ZNF462: variants seen among roughly 807,000 people sequenced by gnomAD.
The protein encoded by ZNF462 is zinc finger PBX1-interacting protein.
A neutral mutation model predicts 201.9 loss-of-function variants in ZNF462; 10 were observed. That is an observed-to-expected ratio of 0.05 (90% CI 0.03 to 0.08). The LOEUF (loss-of-function observed/expected upper bound fraction) is 0.08, where lower values mean the gene tolerates loss of function less well. ZNF462 is among the 10% of genes least tolerant of loss of function. ZNF462 has a pLI of 1.00. For synonymous variants in ZNF462, 1,227 were observed against 1,193.3 expected (o/e 1.03, Z -0.58); for missense variants, 2,523 against 3,168.3 (o/e 0.80, Z 4.89).
At chr9:106,873,704 C>T (rs749288011) in intron 1 of ZNF462, among the ~76,000 whole-genome samples, 1 of 152,132 alleles carries the variant, frequency 6.6e-6, no homozygotes, top group Non-Finnish European at 1.5e-5. Context: ...TTGCCTGTCT[C>T]TGAAACATCA....
chr9:106,926,896 C>T lies in ZNF462; in HGVS notation c.2984C>T (p.Ala995Val), dbSNP rs755252933. ...PKNMATSTPV[A>V]RGGGLPATFN... ...AACATGGCGACTTCCACACCTGTGG[C>T]TCGTGGTGGTGGTTTGCCAGCTACG... The change falls in exon 3 of 13, where the codon GCT becomes GTT. Residue 995 changes from alanine (A) to valine (V), a missense_variant. Physicochemically the swap from Ala to Val is moderately conservative, Grantham distance 64. Transcript: ENST00000277225. The surrounding 1 kb of genome is among the most constrained non-coding windows in gnomAD (Gnocchi z 7.9). 9 of 1,614,018 alleles carry T rather than the reference C, an allele frequency of 5.6e-6. No homozygotes were observed. In the East Asian group the frequency reaches 1.8e-4, roughly 32 times the overall value.
intron 7 of ZNF462, among the ~76,000 whole-genome samples, chr9:106,965,620 G>A (rs925388997): frequency 6.6e-6 from 1 of 152,046 alleles, no homozygotes; most frequent in Non-Finnish European, 1.5e-5. Flanking sequence ...AAACAAAGTG[G>A]TGGGCCATTT....
intron 7 of ZNF462, among the ~76,000 whole-genome samples, chr9:106,956,609 ATGG>A (rs1831585786): frequency 6.9e-6 from 1 of 144,648 alleles, no homozygotes; most frequent in South Asian, 2.1e-4. Context: ...AAAGTCCTAG[ATGG>A]AATCTTCTTC....
At chr9:106,911,676 G>T (rs1829555211) in intron 1 of ZNF462, among the ~76,000 whole-genome samples, 1 of 152,142 alleles carries the variant, frequency 6.6e-6, no homozygotes, top group Non-Finnish European at 1.5e-5. Flanking sequence ...CTACATGGAG[G>T]AAAACCGTGA....
rs764940719 is a variant in ZNF462, at chr9:106,927,692, G to A, written c.3780G>A (p.Thr1260=). ...VSPSNLERDK[T]KLRALKCRQC... ...CCTCTAATCTGGAGCGGGACAAAAC[G>A]AAACTCCGAGCACTCAAATGTAGGC... The change falls in exon 3 of 13, where the codon ACG becomes ACA. Residue 1260 remains threonine (T), a synonymous_variant. Transcript: ENST00000277225. 13 of 1,613,904 alleles carry A rather than the reference G, an allele frequency of 8.1e-6. No individual in the cohort carries two copies. The highest frequency in any genetic ancestry group is 4.5e-5 in the East Asian group (2 of 44,870).
chr9:106,880,477 A>T lies in ZNF462; in HGVS notation c.-31+17122A>T, dbSNP rs1225087674. ...AAACCAGTGAGAAGTCCAAGGCTCCATTTCATCCCGTGTAAAACACTCATC... is the reference window on the plus strand; with the variant it reads ...AAACCAGTGAGAAGTCCAAGGCTCCTTTTCATCCCGTGTAAAACACTCATC... On this transcript the variant is annotated intron_variant, in intron 1 of 12. Transcript: ENST00000277225. The surrounding 1 kb of genome is among the most constrained non-coding windows in gnomAD (Gnocchi z 4.1). Among the ~76,000 whole-genome samples, 2 of 152,194 alleles carry T rather than the reference A, an allele frequency of 1.3e-5. No homozygotes were observed. The highest frequency in any genetic ancestry group is 2.9e-5 in the Non-Finnish European group (2 of 68,038).
rs150472853 is a variant in ZNF462 at position 106,989,806 on chromosome 9, G to C, written c.7056+5397G>C. 3.0e-3 allele frequency among the ~76,000 whole-genome samples: 450 copies of C among 152,182 alleles called. 4 individuals carry two copies. The highest frequency in any genetic ancestry group is 0.011 in the African/African-American group (439 of 41,530). ...TCCAGGAATTTATCCATCTCTGCCAGGTTTTCTAGTTTATGTGCGTAAAGG... is the reference window on the plus strand; with the variant it reads ...TCCAGGAATTTATCCATCTCTGCCACGTTTTCTAGTTTATGTGCGTAAAGG... On this transcript the variant is annotated intron_variant, in intron 10 of 12. Coordinates refer to ENST00000277225, the MANE Select transcript of ZNF462 (RefSeq NM_021224.6).
rs1829921874 is a variant in ZNF462 at position 106,919,932 on chromosome 9, A to G, written c.-30-3422A>G. ...TAGACTCTTTTTAGTTAGTTCAGAA[A>G]CTTCCTCTTTTACTTTTGATTTTGC... On this transcript the variant is annotated intron_variant, in intron 1 of 12. Transcript: ENST00000277225. This position sits in a 1 kb window ranked among gnomAD's most constrained non-coding sequence, Gnocchi z 4.5. 6.6e-6 allele frequency among the ~76,000 whole-genome samples: 1 copy of G among 152,190 alleles called. No individual in the cohort carries two copies. Among genetic ancestry groups the G allele is most frequent in the Non-Finnish European group, 1.5e-5 (1 of 68,030 alleles).
At chr9:106,916,235 A>T (rs1829768407) in intron 1 of ZNF462, among the ~76,000 whole-genome samples, 1 of 152,164 alleles carries the variant, frequency 6.6e-6, no homozygotes, top group African/African-American at 2.4e-5. Flanking sequence ...TGTTTGGCTG[A>T]ATCTTGTGAG....
At chr9:106,889,985 G>C (rs971551513) in intron 1 of ZNF462, among the ~76,000 whole-genome samples, 1 of 152,328 alleles carries the variant, frequency 6.6e-6, no homozygotes, top group Middle Eastern at 3.4e-3. Context: ...CAGTGGCATT[G>C]ATACTTACAC....
At chr9:106,864,062 CTCTCTCTCT>C (rs1564062366) in intron 1 of ZNF462, among the ~76,000 whole-genome samples, 27 of 93,930 alleles carry the variant, frequency 2.9e-4, no homozygotes, top group African/African-American at 1.1e-3. Context: ...CTCTCTCTCT[CTCTCTCTCT>C]CTCTCTCTCT....
At position 107,003,085 on chromosome 9, in the gene ZNF462, G is replaced by A. The variant is rs556954932; in HGVS notation, c.7057-209G>A. ...TGAAGGTCCGGTGTACAAAAGTTCC[G>A]GTGAAAATGATGGAATGTGGGAGCA... On this transcript the variant is annotated intron_variant, in intron 10 of 12. Transcript: ENST00000277225. This position sits in a 1 kb window ranked among gnomAD's most constrained non-coding sequence, Gnocchi z 4.4. 1.1e-3 allele frequency among the ~76,000 whole-genome samples: 173 copies of A among 152,290 alleles called. 2 individuals carry two copies. The highest frequency in any genetic ancestry group is 3.7e-3 in the African/African-American group (153 of 41,568).
chr9:106,863,179 C>T lies in ZNF462; in HGVS notation c.-207C>T. ...TGCAGCTGCAGCGAGTCTGAGGAGC[C>T]GAGGAAGGCAGGGAAGATGGCGATC... On this transcript the variant is annotated 5_prime_UTR_variant, in exon 1 of 13. Coordinates refer to ENST00000277225, the MANE Select transcript of ZNF462 (RefSeq NM_021224.6). 2.5e-6 allele frequency: 1 copy of T among 398,884 alleles called. No homozygotes were observed. Among genetic ancestry groups the T allele is most frequent in the South Asian group, 1.3e-4 (1 of 7,834 alleles). The allele number at this position is 398,884 out of a possible 1,614,324, so 24.7% of individuals were successfully genotyped here. A position where few individuals can be genotyped will look rare whatever the true frequency, so the allele number is the denominator to read the frequency against.
chr9:106,943,748 A>T (rs1234366497), intron 7 of ZNF462, among the ~76,000 whole-genome samples: 1 of 152,142 alleles, frequency 6.6e-6, no homozygotes, highest in Admixed American at 6.5e-5. Context: ...TTAAATACTT[A>T]TTCTTTTCAT....
In ZNF462 at chr9:106,928,004, C is replaced by G. The variant is rs185250462; in HGVS notation, c.4092C>G (p.Ala1364=). 1 of 1,614,150 alleles carries G rather than the reference C, an allele frequency of 6.2e-7. No individual in the cohort carries two copies. The highest frequency in any genetic ancestry group is 8.5e-7 in the Non-Finnish European group (1 of 1,180,022). ...CCCCTCCCTCTCTCACAATGCCAGCCGAAGCCAAAACCTACAGATGCAGGG... is the reference window on the plus strand; with the variant it reads ...CCCCTCCCTCTCTCACAATGCCAGCGGAAGCCAAAACCTACAGATGCAGGG... ...DPSPPSLTMP[A]EAKTYRCRDC... is the part of the protein sequence containing the mutation. Residue 1364 remains alanine (A), a synonymous_variant, in exon 3 of 13, where the codon GCC becomes GCG. Coordinates refer to ENST00000277225, the MANE Select transcript of ZNF462 (RefSeq NM_021224.6). This position sits in a 1 kb window ranked among gnomAD's most constrained non-coding sequence, Gnocchi z 9.3.
chr9:106,920,803 G>A lies in ZNF462; in HGVS notation c.-30-2551G>A, dbSNP rs73668715. 5.9e-5 allele frequency among the ~76,000 whole-genome samples: 9 copies of A among 152,234 alleles called. No homozygotes were observed. Among genetic ancestry groups the A allele is most frequent in the African/African-American group, 1.2e-4 (5 of 41,544 alleles). ...ATTTCTAGGTGGATGACTTAATGCC[G>A]AAGGTGCCCTGCTTTCCTTCTGCAG... is the stretch of plus-strand genomic sequence containing the variant. On this transcript the variant is annotated intron_variant, in intron 1 of 12. Coordinates refer to ENST00000277225, the MANE Select transcript of ZNF462 (RefSeq NM_021224.6). This position sits in a 1 kb window ranked among gnomAD's most constrained non-coding sequence, Gnocchi z 4.3.
In ZNF462 at chr9:106,909,344, G is replaced by A. The variant is rs533599258; in HGVS notation, c.-30-14010G>A. On this transcript the variant is annotated intron_variant, in intron 1 of 12. Coordinates refer to ENST00000277225, the MANE Select transcript of ZNF462 (RefSeq NM_021224.6). The stretch of plus-strand genomic sequence containing the variant: ...TACATACTTTTATAGTTATTGTTAC[G>A]GAATTATTTATTGTTATAACCACTA... Among the ~76,000 whole-genome samples the A allele has an allele frequency of 6.6e-5, 10 of 151,534 alleles. No individual in the cohort carries two copies. The East Asian group carries it at 7.8e-4, about 12-fold the overall frequency.
At chr9:106,900,922 T>C (rs962812451) in intron 1 of ZNF462, among the ~76,000 whole-genome samples, 3 of 152,206 alleles carry the variant, frequency 2.0e-5, no homozygotes, top group Non-Finnish European at 2.9e-5. Flanking sequence ...TTGTTTGTAT[T>C]GCACTTCCTT....
Position 107,010,951 on chromosome 9 carries a change from TA to T in ZNF462, c.7445del (p.Lys2482ArgfsTer5). 6.2e-7 allele frequency: 1 copy of T among 1,613,776 alleles called. No homozygotes were observed. The highest frequency in any genetic ancestry group is 8.5e-7 in the Non-Finnish European group (1 of 1,179,898). The stretch of plus-strand genomic sequence containing the variant: ...GAGGCCATTGGGATAGACTTTTCCC[TA>T]AAGAATGAAACAGTAGCCATCTGTG... ...DDEAIGIDFSLKNETVAICVV... is the reference protein window; with the variant it reads ...DDEAIGIDFSXKNETVAICVV... On this transcript the variant is annotated frameshift_variant, in exon 13 of 13. Transcript: ENST00000277225. LOFTEE classifies it high-confidence loss of function. This position sits in a 1 kb window ranked among gnomAD's most constrained non-coding sequence, Gnocchi z 4.6.
Sources: allele counts gnomAD v4.1 joint callset (sites outside exome capture counted in the v4.1 genomes callset), GRCh38; gene constraint gnomAD v4.1.1; non-coding constraint Gnocchi (gnomAD v3.1); transcripts MANE v1.5; gene names NCBI Gene and HGNC (gene_info 2026-07-23, HGNC 2026-07-21).